ABCA8: variants seen among roughly 807,000 people sequenced by gnomAD.
ABCA8 encodes ATP binding cassette subfamily A member 8, also known as ABC-type organic anion transporter ABCA8.
A neutral mutation model predicts 192.3 loss-of-function variants in ABCA8; 177 were observed. That is an observed-to-expected ratio of 0.92 (90% CI 0.81 to 1.04). The LOEUF (loss-of-function observed/expected upper bound fraction) is 1.04. Among genes scored for constraint, ABCA8 ranks in the 50% least tolerant of loss-of-function variants. The pLI is 0.00. For synonymous variants in ABCA8, 642 were observed against 690.2 expected, an observed-to-expected ratio of 0.93 and a Z score of 1.09; for missense variants, 1,915 against 1,904.8, an observed-to-expected ratio of 1.01 and a Z score of -0.10.
At chr17:68,887,215 A>G in intron 25 of ABCA8, 85 bp from the exon 26 acceptor site, 1 of 1,349,432 alleles carries the variant, frequency 7.4e-7, no homozygotes. Context: ...GTCATAGCCC[A>G]GGATTTTATA....
chr17:68,920,436 T>A (rs954406202), intron 13 of ABCA8, among the ~76,000 whole-genome samples: 1 of 151,620 alleles, frequency 6.6e-6, no homozygotes, highest in East Asian at 1.9e-4. Flanking sequence ...AAATACCTTA[T>A]TGCTTAACAA....
chr17:68,876,355 G>A, intron 35 of ABCA8, 105 bp downstream of exon 35: 3 of 1,293,652 alleles, frequency 2.3e-6, no homozygotes, highest in Non-Finnish European at 3.3e-6. Flanking sequence ...TAGTTTTTTT[G>A]TTCTCCACAA....
intron 21 of ABCA8, among the ~76,000 whole-genome samples, chr17:68,899,364 A>C (rs974908744): frequency 1.3e-5 from 2 of 152,066 alleles, no homozygotes; most frequent in Non-Finnish European, 2.9e-5. Context: ...AATTTACAGG[A>C]GACACATATT....
Position 68,887,426 on chromosome 17 carries a change from G to A in ABCA8, c.3225C>T (p.Ser1075=). Residue 1075 remains serine, a synonymous_variant, in exon 25 of 40, where the codon TCC becomes TCT. Coordinates refer to ENST00000586539, the MANE Select transcript of ABCA8 (RefSeq NM_001288985.2). ...YWFGQALVDV[S]LYFLVFVFIY... ...TAAAAACGAAGACCAAGAAGTACAG[G>A]GAAACATCCACCAGCGCCTGCCCAA... is the stretch of plus-strand genomic sequence containing the variant. The A allele has an allele frequency of 1.2e-6, 2 of 1,613,844 alleles. No individual in the cohort carries two copies. The highest frequency in any genetic ancestry group is 1.1e-5 in the South Asian group (1 of 91,024).
intron 24 of ABCA8, among the ~76,000 whole-genome samples, chr17:68,890,427 T>C (rs1276056539): frequency 1.3e-5 from 2 of 152,266 alleles, no homozygotes; most frequent in Non-Finnish European, 2.9e-5. Flanking sequence ...GTTCTTTACA[T>C]ATTTTTGATA....
rs1438344016 is a variant in ABCA8 at position 68,877,521 on chromosome 17, T to A, written c.4197A>T (p.Thr1399=). ...ACAGATGTGGCTCCTCTGTGTACCGTGTGATGGCAACCTCAGCATCCCCTT... is the reference window on the plus strand; with the variant it reads ...ACAGATGTGGCTCCTCTGTGTACCGAGTGATGGCAACCTCAGCATCCCCTT... ...LRKGDAEVAI[T]RLVDALKLQD... is the part of the protein sequence containing the mutation. The change falls in exon 33 of 40, where the codon ACA becomes ACT. Residue 1399 remains threonine, a splice_region_variant and synonymous_variant. Coordinates refer to ENST00000586539, the MANE Select transcript of ABCA8 (RefSeq NM_001288985.2). 1 of 1,612,806 alleles carries A rather than the reference T, an allele frequency of 6.2e-7. No homozygotes were observed. The highest frequency in any genetic ancestry group is 8.5e-7 in the Non-Finnish European group (1 of 1,179,316).
intron 21 of ABCA8, among the ~76,000 whole-genome samples, chr17:68,897,491 G>A (rs541706104): frequency 6.6e-6 from 1 of 152,190 alleles, no homozygotes; most frequent in Non-Finnish European, 1.5e-5. Flanking sequence ...AAGAAAAGTA[G>A]GCAACAAGAA....
chr17:68,902,084 C>T (rs1567843936), intron 21 of ABCA8, among the ~76,000 whole-genome samples: 1 of 152,022 alleles, frequency 6.6e-6, no homozygotes, highest in Non-Finnish European at 1.5e-5. Flanking sequence ...GTGGTATAAC[C>T]ATCAATAAAA....
intron 17 of ABCA8, among the ~76,000 whole-genome samples, chr17:68,909,755 C>G (rs184440974): frequency 6.6e-6 from 1 of 152,088 alleles, no homozygotes; most frequent in East Asian, 1.9e-4. Flanking sequence ...AGATATTTTT[C>G]AAATAACTTT....
intron 29 of ABCA8, among the ~76,000 whole-genome samples, 161 bp from the exon 30 acceptor site, chr17:68,882,880 T>G (rs546241766): frequency 1.3e-5 from 2 of 152,358 alleles, no homozygotes; most frequent in South Asian, 2.1e-4. Flanking sequence ...GCTTATCTTA[T>G]CTATAGAAAT....
intron 21 of ABCA8, among the ~76,000 whole-genome samples, chr17:68,901,537 G>A (rs1015884805): frequency 1.3e-5 from 2 of 152,196 alleles, no homozygotes; most frequent in Non-Finnish European, 2.9e-5. Flanking sequence ...GCCGGGCGCG[G>A]TGGCTCACGC....
intron 17 of ABCA8, 109 bp downstream of exon 17, chr17:68,917,252 C>T (rs1268528792): frequency 5.6e-6 from 4 of 708,920 alleles, no homozygotes; most frequent in Non-Finnish European, 6.8e-6. Context: ...AAAAACAAAA[C>T]AAAACAAAAA....
chr17:68,946,496 A>G (rs906613968), intron 2 of ABCA8, among the ~76,000 whole-genome samples: 1 of 152,216 alleles, frequency 6.6e-6, no homozygotes, highest in African/African-American at 2.4e-5. Flanking sequence ...AAGTCATGAT[A>G]TTAGGAAGTA....
rs576350329 is a variant in ABCA8 at position 68,917,600 on chromosome 17, T to C, written c.2048-149A>G. Reference sequence around the variant, plus strand: ...AGGACTCGATAAGGACTCAATGAAATAGACACATTTTAATCTCGTTTACGT... The same window carrying C: ...AGGACTCGATAAGGACTCAATGAAACAGACACATTTTAATCTCGTTTACGT... On this transcript the variant is annotated intron_variant, in intron 16 of 39. Transcript: ENST00000586539. 9.0e-6 allele frequency: 5 copies of C among 553,982 alleles called. No homozygotes were observed. The Middle Eastern group carries it at 9.0e-4, about 100-fold the overall frequency. 34.3% of individuals were successfully genotyped at this position (553,982 alleles called of 1,614,324 possible). A position where few individuals can be genotyped will look rare whatever the true frequency, so the allele number is the denominator to read the frequency against.
intron 21 of ABCA8, among the ~76,000 whole-genome samples, chr17:68,898,978 C>T (rs1377579021): frequency 2.6e-5 from 4 of 152,010 alleles, no homozygotes; most frequent in Non-Finnish European, 4.4e-5. Flanking sequence ...AGAGTAAGTA[C>T]ATATTTGTAG....
rs1367452293 is a variant in ABCA8 at position 68,876,632 on chromosome 17, C to G, written c.4271G>C (p.Arg1424Thr). ...AACACCAAGCCCTGCCCGTACCTTT[C>G]TCTTTATTCCCTCTGACAAGGTCTT... is the stretch of plus-strand genomic sequence containing the variant. Reference protein sequence around the residue: ...PVKTLSEGIKRKLCFVLSILG... With the variant: ...PVKTLSEGIKTKLCFVLSILG... The change falls in exon 34 of 40, where the codon AGA becomes ACA. Residue 1424 changes from arginine to threonine, a missense_variant. By Grantham distance (71) the Arg-to-Thr change is moderately conservative. Transcript: ENST00000586539. The G allele has an allele frequency of 6.2e-7, 1 of 1,614,190 alleles. No homozygotes were observed. Among genetic ancestry groups the G allele is most frequent in the Non-Finnish European group, 8.5e-7 (1 of 1,180,018 alleles).
At position 68,875,370 on chromosome 17, in the gene ABCA8, G is replaced by T; in HGVS notation, c.4521C>A (p.Ser1507Arg). 1 of 1,614,046 alleles carries T rather than the reference G, an allele frequency of 6.2e-7. No homozygotes were observed. The highest frequency in any genetic ancestry group is 8.5e-7 in the Non-Finnish European group (1 of 1,180,016). ...CCAGCAGGTAATCTTTGCCAAATTT[G>T]CTTTTCAGGTGTTGGATGGAACCGA... The part of the protein sequence containing the change: ...RCIGSIQHLK[S>R]KFGKDYLLEM... The change falls in exon 37 of 40, where the codon AGC becomes AGA. Residue 1507 changes from serine to arginine, a missense_variant. Ser to Arg is a moderately radical substitution (Grantham distance 110, BLOSUM62 -1). Coordinates refer to ENST00000586539, the MANE Select transcript of ABCA8 (RefSeq NM_001288985.2).
intron 23 of ABCA8, among the ~76,000 whole-genome samples, chr17:68,893,596 A>ATTCATTCGTTCATTCCTTCCTTCCTTCC (rs2066666579): frequency 7.0e-6 from 1 of 142,948 alleles, no homozygotes; most frequent in African/African-American, 2.5e-5. Flanking sequence ...TCCTTCCTTC[A>ATTCATTCGTTCATTCCTTCCTTCCTTCC]TTCATTCGTT....
intron 1 of ABCA8, among the ~76,000 whole-genome samples, chr17:68,954,576 C>T (rs2068662438): frequency 6.6e-6 from 1 of 152,070 alleles, no homozygotes; most frequent in African/African-American, 2.4e-5. Context: ...AACATGTATT[C>T]ACTATAGGAG....
Sources: allele counts gnomAD v4.1 joint callset (sites outside exome capture counted in the v4.1 genomes callset), GRCh38; gene constraint gnomAD v4.1.1; transcripts MANE v1.5; gene names NCBI Gene and HGNC (gene_info 2026-07-23, HGNC 2026-07-21).